The following PUM2 variants were observed in gnomAD, a reference collection of about 807,000 sequenced individuals.
The protein encoded by PUM2 is pumilio RNA binding family member 2.
Under a neutral mutation model 124.5 loss-of-function variants are expected in PUM2, and 57 were observed. That is an observed-to-expected ratio of 0.46 (90% confidence interval 0.37 to 0.57). The LOEUF is 0.57. Ranked by LOEUF, PUM2 falls within the 20% of genes least tolerant of loss-of-function variation. PUM2 has a pLI of 0.00. For synonymous variants in PUM2, 460 were observed against 446.1 expected, an observed-to-expected ratio of 1.03 and a Z score of -0.39; for missense variants, 1,065 against 1,290.6, an observed-to-expected ratio of 0.83 and a Z score of 2.68.
Position 20,347,352 on chromosome 2 carries a change from ACT to A in PUM2, c.-19+3243_-19+3244del, listed in dbSNP as rs746871678. On this transcript the variant is annotated intron_variant, in intron 1 of 20. Coordinates refer to ENST00000361078, the MANE Select transcript of PUM2 (RefSeq NM_015317.5). ...TCTTGATTTTTCATTTAAAAAGATA[ACT>A]CTCGAGTTATTTGAAGAAAAAGTCA... Among the ~76,000 whole-genome samples, 96 of 152,288 alleles carry A rather than the reference ACT, an allele frequency of 6.3e-4. 1 individual carries two copies. The highest frequency in any genetic ancestry group is 1.2e-3 in the Non-Finnish European group (80 of 68,026).
chr2:20,261,422 A>AAAAAT (rs1666230432), intron 14 of PUM2, among the ~76,000 whole-genome samples: 11 of 144,616 alleles, frequency 7.6e-5, no homozygotes, highest in Non-Finnish European at 1.5e-4. Flanking sequence ...AAAAAAAAAA[A>AAAAAT]GTGTAGTACA....
chr2:20,342,944 TC>T (rs2149094373), intron 1 of PUM2, among the ~76,000 whole-genome samples: 1 of 152,266 alleles, frequency 6.6e-6, no homozygotes, highest in Non-Finnish European at 1.5e-5. Flanking sequence ...TGTGTTAGTT[TC>T]AAGGATTAAG....
chr2:20,267,419 C>T (rs146177365), intron 13 of PUM2, among the ~76,000 whole-genome samples: 294 of 152,168 alleles, frequency 1.9e-3, no homozygotes, highest in Middle Eastern at 6.8e-3. Context: ...TGTGATAAAG[C>T]GGTAACATCT....
Position 20,274,174 on chromosome 2 carries a change from C to T in PUM2, c.1957+4409G>A, listed in dbSNP as rs115279157. Among the ~76,000 whole-genome samples the T allele has an allele frequency of 7.1e-3, 1,076 of 151,968 alleles. 18 individuals carry two copies. Among genetic ancestry groups the T allele is most frequent in the African/African-American group, 0.025 (1,039 of 41,444 alleles). ...AAACCACTCTGACAGTCTATGCCAA[C>T]AATTAGGATGAAATGAAATATGAAT... On this transcript the variant is annotated intron_variant, in intron 13 of 20. Transcript: ENST00000361078.
Position 20,294,436 on chromosome 2 carries a change from A to C in PUM2, c.1092T>G (p.Ala364=). 6.2e-7 allele frequency: 1 copy of C among 1,614,214 alleles called. No individual in the cohort carries two copies. The highest frequency in any genetic ancestry group is 1.1e-5 in the South Asian group (1 of 91,084). ...PANLFQQQAA[A]AANNTASQQA... Reference sequence around the variant, plus strand: ...GCTGACTGGCTGTGTTATTTGCCGCAGCTGCAGCTTGCTGCTGAAATAAGT... The same window carrying C: ...GCTGACTGGCTGTGTTATTTGCCGCCGCTGCAGCTTGCTGCTGAAATAAGT... The change falls in exon 9 of 21, where the codon GCT becomes GCG. Residue 364 remains alanine (A), a synonymous_variant. Transcript: ENST00000361078.
intron 16 of PUM2, among the ~76,000 whole-genome samples, chr2:20,256,506 C>T (rs371107312): frequency 1.3e-4 from 20 of 152,190 alleles, no homozygotes; most frequent in Non-Finnish European, 2.5e-4. Flanking sequence ...GTAAATCATC[C>T]GCTAATATTT....
chr2:20,331,632 A>G (rs990073395), intron 1 of PUM2: 1 of 149,048 alleles, frequency 6.7e-6, no homozygotes, highest in Admixed American at 6.7e-5. Context: ...AAAAAAAAAG[A>G]AAGAAAGAAA....
At chr2:20,300,904 C>G (rs775602371) in intron 7 of PUM2, among the ~76,000 whole-genome samples, 1 of 152,088 alleles carries the variant, frequency 6.6e-6, no homozygotes, top group Non-Finnish European at 1.5e-5. Context: ...GAGAAAAAAG[C>G]GTATCTGATT....
chr2:20,309,069 A>T (rs914655150), intron 5 of PUM2, among the ~76,000 whole-genome samples: 1 of 152,208 alleles, frequency 6.6e-6, no homozygotes, highest in African/African-American at 2.4e-5. Flanking sequence ...AAATCTGGCC[A>T]TAAGAGATCA....
intron 14 of PUM2, among the ~76,000 whole-genome samples, chr2:20,261,008 C>CT (rs1268697308): frequency 6.6e-6 from 1 of 152,078 alleles, no homozygotes; most frequent in Non-Finnish European, 1.5e-5. Context: ...AGATAAATTC[C>CT]TATTGGGTAG....
At chr2:20,291,448 T>C (rs538186522) in intron 9 of PUM2, among the ~76,000 whole-genome samples, 1 of 152,236 alleles carries the variant, frequency 6.6e-6, no homozygotes, top group Non-Finnish European at 1.5e-5. Context: ...TGGTACTTTA[T>C]CCGACCGACT....
Position 20,290,746 on chromosome 2 carries a change from C to G in PUM2, c.1197G>C (p.Gln399His). Residue 399 changes from glutamine to histidine, a missense_variant, in exon 10 of 21, where the codon CAG becomes CAC. By Grantham distance (24) the Gln-to-His change is conservative. Around this residue, in one of 3 missense-constraint regions of PUM2, gnomAD observed 968 missense variants for 1,159.8 expected, o/e 0.83. Transcript: ENST00000361078. Reference protein sequence around the residue: ...GAGQRPLTPNQGQQGQQAESL... With the variant: ...GAGQRPLTPNHGQQGQQAESL... ...ATTCTGCTTGCTGCCCTTGCTGACCCTGATTGGGAGTAAGAGGACGCTGAC... is the reference window on the plus strand; with the variant it reads ...ATTCTGCTTGCTGCCCTTGCTGACCGTGATTGGGAGTAAGAGGACGCTGAC... 6.2e-7 allele frequency: 1 copy of G among 1,613,006 alleles called. No homozygotes were observed. Among genetic ancestry groups the G allele is most frequent in the South Asian group, 1.1e-5 (1 of 90,890 alleles).
chr2:20,284,404 G>A (rs973314764), intron 10 of PUM2, among the ~76,000 whole-genome samples: 3 of 152,122 alleles, frequency 2.0e-5, no homozygotes, highest in Admixed American at 6.5e-5. Flanking sequence ...TGTCTAGGCT[G>A]GAGCACAGTG....
rs145729268 is a variant in PUM2, at chr2:20,314,763, T to C, written c.161-2340A>G. On this transcript the variant is annotated intron_variant, in intron 3 of 20. Transcript: ENST00000361078. Reference sequence around the variant, plus strand: ...AGTCATGTATCCGTTCATTACACAGTTGAAATATTGATTCATTCTCTTGTA... The same window carrying C: ...AGTCATGTATCCGTTCATTACACAGCTGAAATATTGATTCATTCTCTTGTA... 6.1e-3 allele frequency among the ~76,000 whole-genome samples: 927 copies of C among 152,310 alleles called. 3 individuals are homozygous for C. The highest frequency in any genetic ancestry group is 1.0e-2 in the Non-Finnish European group (680 of 68,010).
chr2:20,336,794 GTGTGTGT>G (rs1398856287), intron 1 of PUM2, among the ~76,000 whole-genome samples: 9 of 127,996 alleles, frequency 7.0e-5, no homozygotes, highest in African/African-American at 2.3e-4. Context: ...GTGTGTGTGT[GTGTGTGT>G]GGTACAGACG....
At chr2:20,320,361 G>A (rs149108006) in intron 2 of PUM2, among the ~76,000 whole-genome samples, 5 of 152,188 alleles carry the variant, frequency 3.3e-5, no homozygotes, top group African/African-American at 1.2e-4. Flanking sequence ...TGGTGGGGAA[G>A]ATAACTAAAA....
rs567574528 is a variant in PUM2, at chr2:20,310,360, T to C, written c.518+1134A>G. 1.8e-4 allele frequency among the ~76,000 whole-genome samples: 27 copies of C among 152,058 alleles called. 1 individual carries two copies. The East Asian group carries it at 3.9e-3, about 22-fold the overall frequency. On this transcript the variant is annotated intron_variant, in intron 5 of 20. Transcript: ENST00000361078. ...CAAAGTAACTCGTATATAGCAAAAA[T>C]AGAGGACATTAGGAAAAAAAGTAAT...
intron 7 of PUM2, among the ~76,000 whole-genome samples, chr2:20,307,337 G>A (rs1378573109): frequency 2.6e-5 from 4 of 152,192 alleles, no homozygotes; most frequent in Non-Finnish European, 4.4e-5. Flanking sequence ...GATGTTGACA[G>A]TCTTCATACA....
intron 7 of PUM2, among the ~76,000 whole-genome samples, chr2:20,305,103 A>T (rs1297635252): frequency 6.6e-6 from 1 of 152,186 alleles, no homozygotes; most frequent in East Asian, 1.9e-4. Flanking sequence ...AAATTTATTT[A>T]TATTAGGTTT....
Sources: allele counts gnomAD v4.1 joint callset (sites outside exome capture counted in the v4.1 genomes callset), GRCh38; gene constraint gnomAD v4.1.1; regional missense constraint gnomAD v4.1.1; transcripts MANE v1.5; gene names NCBI Gene and HGNC (gene_info 2026-07-23, HGNC 2026-07-21).